The following NTRK2 variants were observed in gnomAD, a reference collection of about 807,000 sequenced individuals.
NTRK2 encodes neurotrophic receptor tyrosine kinase 2, also known as BDNF/NT-3 growth factors receptor.
NTRK2 carries 13 observed loss-of-function variants against 94.5 expected under a neutral mutation model. The observed-to-expected ratio is 0.14, with a 90% CI of 0.09 to 0.22. The LOEUF (loss-of-function observed/expected upper bound fraction) is 0.22. NTRK2 is among the 10% of genes least tolerant of loss of function. The probability of loss-of-function intolerance (pLI) is 1.00; values close to 1 mark genes in which losing one functional copy is unlikely to be tolerated. For synonymous variants in NTRK2, 372 were observed against 407.4 expected (o/e 0.91, Z 1.05); for missense variants, 639 against 1,071.2 (o/e 0.60, Z 5.63).
chr9:84,797,688 A>G (rs1219935189), intron 12 of NTRK2, among the ~76,000 whole-genome samples: 1 of 69,504 alleles, frequency 1.4e-5, no homozygotes, highest in African/African-American at 7.4e-5. Flanking sequence ...ATATACTATA[A>G]TATATATATT....
chr9:84,867,557 T>C (rs2075651535), intron 14 of NTRK2, 126 bp downstream of exon 14: 1 of 851,422 alleles, frequency 1.2e-6, no homozygotes, highest in Admixed American at 1.7e-5. Context: ...TTGAGGATTC[T>C]TGCAGCTTTT....
chr9:84,904,811 A>G (rs1364993043), intron 14 of NTRK2, among the ~76,000 whole-genome samples: 5 of 152,236 alleles, frequency 3.3e-5, no homozygotes, highest in African/African-American at 4.8e-5. Flanking sequence ...GAAATGAAAA[A>G]TACTGGGAAG....
At chr9:84,673,258 T>C (rs35127806) in intron 2 of NTRK2, among the ~76,000 whole-genome samples, 4,024 of 152,350 alleles carry the variant, frequency 0.026, 70 homozygotes, top group Admixed American at 0.043. Flanking sequence ...ATGACATCAG[T>C]GGATGCGCTT....
At chr9:84,811,719 A>AAT in intron 12 of NTRK2, 1 of 1,065,658 alleles carries the variant, frequency 9.4e-7, no homozygotes, top group Non-Finnish European at 1.1e-6. Context: ...GTCGCTAATG[A>AAT]ATATATGCTT....
intron 17 of NTRK2, among the ~76,000 whole-genome samples, chr9:85,002,747 G>A (rs1314465558): frequency 1.3e-5 from 2 of 152,204 alleles, no homozygotes; most frequent in Non-Finnish European, 2.9e-5. Flanking sequence ...GATATGGAAA[G>A]GTAAAGTCTG....
At chr9:84,757,437 C>T (rs12238811) in intron 12 of NTRK2, among the ~76,000 whole-genome samples, 6,357 of 152,150 alleles carry the variant, frequency 0.042, 201 homozygotes, top group South Asian at 0.1. Flanking sequence ...AACAATTTGC[C>T]TTGCGGATTT....
intron 14 of NTRK2, among the ~76,000 whole-genome samples, chr9:84,924,757 C>T (rs1238845404): frequency 2.0e-5 from 3 of 152,250 alleles, no homozygotes; most frequent in African/African-American, 7.2e-5. Context: ...CTGTAACATG[C>T]AGGTTAAATT....
At chr9:84,792,390 G>A (rs1408713921) in intron 12 of NTRK2, among the ~76,000 whole-genome samples, 2 of 152,128 alleles carry the variant, frequency 1.3e-5, no homozygotes, top group African/African-American at 2.4e-5. Context: ...TCAGTTTCAG[G>A]TTATTAAGGG....
intron 17 of NTRK2, among the ~76,000 whole-genome samples, chr9:84,967,222 C>G (rs1825659217): frequency 6.6e-6 from 1 of 152,158 alleles, no homozygotes; most frequent in South Asian, 2.1e-4. Context: ...GAAAGTGATG[C>G]ACCATGTTCC....
chr9:85,015,240 T>C (rs1420292016), intron 17 of NTRK2, among the ~76,000 whole-genome samples: 1 of 152,190 alleles, frequency 6.6e-6, no homozygotes, highest in Non-Finnish European at 1.5e-5. Flanking sequence ...GTCTGCAACA[T>C]GGACACTCCC....
chr9:84,882,546 C>T (rs892962291), intron 14 of NTRK2, among the ~76,000 whole-genome samples: 3 of 152,108 alleles, frequency 2.0e-5, no homozygotes, highest in Non-Finnish European at 4.4e-5. Context: ...CTCAAATATG[C>T]AAGAAAGCTG....
chr9:84,844,604 A>G (rs2131822548), intron 12 of NTRK2, among the ~76,000 whole-genome samples: 1 of 151,558 alleles, frequency 6.6e-6, no homozygotes, highest in African/African-American at 2.4e-5. Context: ...ATAAAGTGTT[A>G]ATCATGAGGG....
At chr9:84,888,263 A>G (rs1282744748) in intron 14 of NTRK2, among the ~76,000 whole-genome samples, 2 of 152,136 alleles carry the variant, frequency 1.3e-5, no homozygotes, top group African/African-American at 2.4e-5. Context: ...ACGTTATCTC[A>G]GCTAAACTCC....
At chr9:84,792,088 C>G (rs1464649981) in intron 12 of NTRK2, among the ~76,000 whole-genome samples, 1 of 152,116 alleles carries the variant, frequency 6.6e-6, no homozygotes, top group Non-Finnish European at 1.5e-5. Flanking sequence ...GAATTATCCT[C>G]CTGGTTTCAA....
intron 17 of NTRK2, among the ~76,000 whole-genome samples, chr9:84,989,989 A>C (rs1419166222): frequency 6.6e-6 from 1 of 152,118 alleles, no homozygotes; most frequent in Non-Finnish European, 1.5e-5. Context: ...CAATATCCCA[A>C]CATTGGTGGC....
intron 15 of NTRK2, among the ~76,000 whole-genome samples, chr9:84,943,945 A>G (rs571495326): frequency 2.6e-5 from 4 of 152,230 alleles, no homozygotes; most frequent in African/African-American, 9.6e-5. Context: ...ATAGAATTGA[A>G]TCATAATTTA....
chr9:84,965,128 T>TA (rs1438761307), intron 17 of NTRK2, among the ~76,000 whole-genome samples: 3 of 152,120 alleles, frequency 2.0e-5, no homozygotes, highest in African/African-American at 4.8e-5. Context: ...TTCCCTGGGC[T>TA]AAAAAAATGA....
At chr9:84,994,818 A>G (rs1270493729) in intron 17 of NTRK2, among the ~76,000 whole-genome samples, 5 of 152,232 alleles carry the variant, frequency 3.3e-5, no homozygotes, top group African/African-American at 1.2e-4. Context: ...TGTTGAGTGA[A>G]CAAAATCTGC....
At chr9:84,820,972 T>C (rs1003042257) in intron 12 of NTRK2, among the ~76,000 whole-genome samples, 17 of 152,188 alleles carry the variant, frequency 1.1e-4, no homozygotes, top group African/African-American at 4.1e-4. Context: ...TGATTTTCCT[T>C]TGTCTCTTGG....
Sources: gnomAD v4.1 joint callset for allele counts (sites outside exome capture counted in the v4.1 genomes callset) on GRCh38, gnomAD v4.1.1 for gene constraint, MANE v1.5 for transcripts, NCBI Gene and HGNC (gene_info 2026-07-23, HGNC 2026-07-21) for gene names.